IGFL2: variants seen among roughly 807,000 people sequenced by gnomAD.
IGFL2 encodes IGF like family member 2, also known as insulin growth factor-like family member 2.
Under a neutral mutation model 13.9 loss-of-function variants are expected in IGFL2, and 7 were observed. That is an observed-to-expected ratio of 0.51 (90% CI 0.29 to 0.95). IGFL2 has a LOEUF of 0.95. Among genes scored for constraint, IGFL2 ranks in the 40% least tolerant of loss-of-function variants. The pLI is 0.08. For missense variants in IGFL2, 138 were observed against 147.8 expected (o/e 0.93, Z 0.34); for synonymous variants, 55 against 55.8 (o/e 0.99, Z 0.07).
chr19:46,121,215 C>A, the IGFL2 span, among the ~76,000 whole-genome samples: 1 of 145,666 alleles, frequency 6.9e-6, no homozygotes, highest in Non-Finnish European at 1.5e-5. Flanking sequence ...CTGTCTCTAC[C>A]AAAAAAAAAC....
the IGFL2 span, among the ~76,000 whole-genome samples, chr19:46,185,732 A>G: frequency 3.9e-5 from 6 of 152,278 alleles, no homozygotes; most frequent in East Asian, 1.9e-4. Context: ...TTTTATTATT[A>G]TTGTTGTTAT....
chr19:46,180,743 C>T, the IGFL2 span: 11 of 152,202 alleles, frequency 7.2e-5, no homozygotes, highest in African/African-American at 2.7e-4. Flanking sequence ...GTGGCGGAAG[C>T]CCTGAGAGCA....
the IGFL2 span, chr19:46,210,060 A>G: frequency 6.6e-6 from 1 of 152,260 alleles, no homozygotes; most frequent in Non-Finnish European, 1.5e-5. Flanking sequence ...TCAGCTAAAA[A>G]TAAAGCCCTT....
At chr19:46,130,163 A>G in the IGFL2 span, among the ~76,000 whole-genome samples, 5 of 152,082 alleles carry the variant, frequency 3.3e-5, no homozygotes, top group Admixed American at 2.6e-4. Flanking sequence ...GTCATCTGAG[A>G]TTAGGATTGC....
the IGFL2 span, among the ~76,000 whole-genome samples, chr19:46,131,250 A>G: frequency 1.3e-5 from 2 of 152,106 alleles, no homozygotes; most frequent in Non-Finnish European, 2.9e-5. Context: ...GACTCTGTTC[A>G]ATTGATTTAT....
At chr19:46,213,185 G>A in the IGFL2 span, 1 of 152,462 alleles carries the variant, frequency 6.6e-6, no homozygotes, top group African/African-American at 2.4e-5. Context: ...GTAACTATAG[G>A]AGCATGCTGC....
chr19:46,132,863 A>T, the IGFL2 span, among the ~76,000 whole-genome samples: 2 of 152,172 alleles, frequency 1.3e-5, no homozygotes, highest in African/African-American at 4.8e-5. Context: ...TGCTGAGTTG[A>T]TCAGATCCAG....
chr19:46,099,918 C>A, the IGFL2 span, among the ~76,000 whole-genome samples: 3 of 152,040 alleles, frequency 2.0e-5, no homozygotes, highest in African/African-American at 7.2e-5. Context: ...TATCCTTCTG[C>A]TTGATACCTG....
the IGFL2 span, among the ~76,000 whole-genome samples, chr19:46,201,450 GTCT>G: frequency 3.9e-5 from 6 of 152,320 alleles, no homozygotes; most frequent in South Asian, 6.2e-4. Flanking sequence ...TAGCTCAAAT[GTCT>G]TCTTCTCCTA....
the IGFL2 span, chr19:46,189,570 T>G: frequency 2.0e-5 from 3 of 152,360 alleles, no homozygotes; most frequent in Non-Finnish European, 4.4e-5. Context: ...CAAAGTCGGC[T>G]AGGTAACGGG....
the IGFL2 span, among the ~76,000 whole-genome samples, chr19:46,096,548 C>T: frequency 6.6e-6 from 1 of 152,040 alleles, no homozygotes; most frequent in African/African-American, 2.4e-5. Flanking sequence ...CCATAGCTTC[C>T]AATACTATGT....
chr19:46,165,801 G>A (rs1443040145), downstream of IGFL2, among the ~76,000 whole-genome samples: 1 of 152,230 alleles, frequency 6.6e-6, no homozygotes, highest in African/African-American at 2.4e-5. Flanking sequence ...TGAGCTGTGA[G>A]CCGCCTGGGT....
chr19:46,156,235 T>C (rs1177555965), intron 1 of IGFL2, among the ~76,000 whole-genome samples: 1 of 152,250 alleles, frequency 6.6e-6, no homozygotes, highest in Admixed American at 6.5e-5. Flanking sequence ...ATCTTTGTTA[T>C]ATTGAGTCTT....
chr19:46,193,118 A>G, the IGFL2 span, among the ~76,000 whole-genome samples: 1 of 152,128 alleles, frequency 6.6e-6, no homozygotes, highest in African/African-American at 2.4e-5. Flanking sequence ...CTTGAACCCG[A>G]GAGGTGGAAG....
chr19:46,083,807 T>C, the IGFL2 span, among the ~76,000 whole-genome samples: 1 of 152,108 alleles, frequency 6.6e-6, no homozygotes, highest in Non-Finnish European at 1.5e-5. Flanking sequence ...GCATTGACAG[T>C]GGTTGACTTG....
chr19:46,099,685 G>A, the IGFL2 span, among the ~76,000 whole-genome samples: 4 of 151,774 alleles, frequency 2.6e-5, no homozygotes, highest in Non-Finnish European at 5.9e-5. Context: ...CTGCCACTGC[G>A]CCTGGCTAAT....
the IGFL2 span, among the ~76,000 whole-genome samples, chr19:46,082,987 T>C: frequency 1.1e-4 from 16 of 152,326 alleles, no homozygotes; most frequent in African/African-American, 3.1e-4. Context: ...TTTTCTCTTT[T>C]GGGGCATTTG....
chr19:46,160,562 A>G (rs201096241), intron 2 of IGFL2, 52 bp from the exon 3 acceptor site: 4 of 1,613,254 alleles, frequency 2.5e-6, no homozygotes, highest in Non-Finnish European at 3.4e-6. Context: ...TGGGGGATGT[A>G]GTGCCTGGTT....
the IGFL2 span, among the ~76,000 whole-genome samples, chr19:46,102,616 C>T: frequency 7.2e-5 from 11 of 152,026 alleles, no homozygotes; most frequent in Non-Finnish European, 1.0e-4. Context: ...CAAATCACAA[C>T]GGTGGAATGT....
Sources: allele counts gnomAD v4.1 joint callset (sites outside exome capture counted in the v4.1 genomes callset), GRCh38; gene constraint gnomAD v4.1.1; transcripts MANE v1.5; gene names NCBI Gene and HGNC (gene_info 2026-07-23, HGNC 2026-07-21).